TBC1D16: variants seen among roughly 807,000 people sequenced by gnomAD.
The protein encoded by TBC1D16 is TBC1 domain family member 16, also known as CTD-2529O21.1.
In TBC1D16, 58 loss-of-function variants were observed where a neutral mutation model predicts 74.7. That is an observed-to-expected ratio of 0.78 (90% CI 0.63 to 0.97). The LOEUF (loss-of-function observed/expected upper bound fraction) is 0.97, where lower values mean the gene tolerates loss of function less well. TBC1D16 is among the 50% of genes least tolerant of loss of function. The probability of loss-of-function intolerance (pLI) is 0.00; values close to 1 mark genes in which losing one functional copy is unlikely to be tolerated. For missense variants in TBC1D16, 1,014 were observed against 1,079.5 expected (o/e 0.94, Z 0.85); for synonymous variants, 493 against 474.7 (o/e 1.04, Z -0.50).
chr17:79,998,610 G>A (rs200971293), intron 3 of TBC1D16, among the ~76,000 whole-genome samples: 36 of 149,740 alleles, frequency 2.4e-4, no homozygotes, highest in East Asian at 2.0e-3. Context: ...CTCCCAAAGC[G>A]CTGGGATTAC....
chr17:80,013,495 A>G lies in TBC1D16; in HGVS notation c.53T>C (p.Leu18Pro). 1 of 1,581,424 alleles carries G rather than the reference A, an allele frequency of 6.3e-7. No individual in the cohort carries two copies. Among genetic ancestry groups the G allele is most frequent in the South Asian group, 1.2e-5 (1 of 86,450 alleles). ...RRASSKASDL[L>P]TLTPGGSGSG... ...GCCGCTGCCACCGGGGGTGAGGGTC[A>G]GGAGGTCCGAGGCTTTGGAGGAGGC... The change falls in exon 2 of 12, where the codon CTG becomes CCG. Residue 18 changes from leucine to proline, a missense_variant. Transcript: ENST00000310924.
rs2143534504 is a variant in TBC1D16, at chr17:80,035,841, C to G, written c.-109G>C. The G allele has an allele frequency of 6.8e-6, 1 of 146,680 alleles. No individual in the cohort carries two copies. Among genetic ancestry groups the G allele is most frequent in the African/African-American group, 2.4e-5 (1 of 41,000 alleles). The allele number at this position is 146,680 out of a possible 1,614,324, so 9.1% of individuals were successfully genotyped here. On this transcript the variant is annotated 5_prime_UTR_variant, in exon 1 of 12. Transcript: ENST00000310924. This position sits in a 1 kb window ranked among gnomAD's most constrained non-coding sequence, Gnocchi z 5.3. ...GGATTCGCGCCGGCTCCGAGAGCCGCCACCGTCGCCTCCGCCGCTGCCGCC... is the reference window on the plus strand; with the variant it reads ...GGATTCGCGCCGGCTCCGAGAGCCGGCACCGTCGCCTCCGCCGCTGCCGCC...
At chr17:79,949,639 T>C (rs2032872027) in intron 7 of TBC1D16, 78 bp downstream of exon 7, 2 of 1,523,098 alleles carry the variant, frequency 1.3e-6, no homozygotes, top group Admixed American at 3.9e-5. Flanking sequence ...AATGCTGAAT[T>C]GCACCTCAAA....
chr17:80,001,594 T>G lies in TBC1D16; in HGVS notation c.779+8566A>C, dbSNP rs2035487600. 6.6e-6 allele frequency among the ~76,000 whole-genome samples: 1 copy of G among 152,048 alleles called. No homozygotes were observed. Among genetic ancestry groups the G allele is most frequent in the South Asian group, 2.1e-4 (1 of 4,826 alleles). ...CCCACGACCGGGATCAGGGGTTTGA[T>G]CCTGAAATTTGGGAGGAATGGAGGA... On this transcript the variant is annotated intron_variant, in intron 3 of 11. Transcript: ENST00000310924. The surrounding 1 kb of genome is among the most constrained non-coding windows in gnomAD (Gnocchi z 5.8).
In TBC1D16 at chr17:80,024,188, A is replaced by AG. The variant is rs145609038; in HGVS notation, c.-62-10580dup. The stretch of plus-strand genomic sequence containing the variant: ...GAGGCCCCACTTCAGCCCACCAGGC[A>AG]GGACTGCAGCGGGGCACGCCCCACG... On this transcript the variant is annotated intron_variant, in intron 1 of 11. Transcript: ENST00000310924. 1.0e-4 allele frequency among the ~76,000 whole-genome samples: 15 copies of AG among 150,040 alleles called. No individual in the cohort carries two copies. The East Asian group carries it at 2.9e-3, about 29-fold the overall frequency.
rs761741375 is a variant in TBC1D16 at position 79,949,850 on chromosome 17, C to A, written c.1273G>T (p.Gly425Cys). The change falls in exon 7 of 12, where the codon GGT becomes TGT. Residue 425 changes from glycine to cysteine, a missense_variant. Gly to Cys is a radical substitution (Grantham distance 159). Transcript: ENST00000310924. The stretch of plus-strand genomic sequence containing the variant: ...TCCCCGCGGATTGACACATCAATAC[C>A]GCCAAAGAAAATGGCCTGGAGGAAG... ...YKLRKAIFFGGIDVSIRGEVW... is the reference protein window; with the variant it reads ...YKLRKAIFFGCIDVSIRGEVW... 1.2e-6 allele frequency: 2 copies of A among 1,613,094 alleles called. No individual in the cohort carries two copies. The highest frequency in any genetic ancestry group is 1.1e-5 in the South Asian group (1 of 91,070).
intron 3 of TBC1D16, among the ~76,000 whole-genome samples, chr17:79,999,303 T>C (rs1345272711): frequency 4.0e-5 from 6 of 151,474 alleles, no homozygotes; most frequent in Admixed American, 3.9e-4. Flanking sequence ...TTAACATACA[T>C]TGTGTGGTGG....
At position 79,936,909 on chromosome 17, in the gene TBC1D16, CGTGTGT is replaced by C. The variant is rs71959726; in HGVS notation, c.*3944_*3949del. The C allele has an allele frequency of 5.7e-3, 696 of 122,306 alleles. 7 individuals are homozygous for C. Among genetic ancestry groups the C allele is most frequent in the South Asian group, 0.016 (59 of 3,800 alleles). The allele number at this position is 122,306 out of a possible 1,614,324, so 7.6% of individuals were successfully genotyped here. A position where few individuals can be genotyped will look rare whatever the true frequency, so the allele number is the denominator to read the frequency against. On this transcript the variant is annotated 3_prime_UTR_variant, in exon 12 of 12. Transcript: ENST00000310924. ...GTGCATGCGTGCGTGTGTGCATGTG[CGTGTGT>C]GTGTGTGTGTGTGTGTGTGTGTGTG...
Position 79,939,171 on chromosome 17 carries a change from T to A in TBC1D16, c.*1688A>T, listed in dbSNP as rs1033324210. 2 of 152,262 alleles carry A rather than the reference T, an allele frequency of 1.3e-5. No homozygotes were observed. Among genetic ancestry groups the A allele is most frequent in the African/African-American group, 4.8e-5 (2 of 41,414 alleles). The allele number at this position is 152,262 out of a possible 1,614,324, so 9.4% of individuals were successfully genotyped here. ...CAACCCTCTCTTCCCAGAAGCAACATGGATGAGAAGCCCACCCCATTCCCA... is the reference window on the plus strand; with the variant it reads ...CAACCCTCTCTTCCCAGAAGCAACAAGGATGAGAAGCCCACCCCATTCCCA... On this transcript the variant is annotated 3_prime_UTR_variant, in exon 12 of 12. Coordinates refer to ENST00000310924, the MANE Select transcript of TBC1D16 (RefSeq NM_019020.4).
Position 80,007,110 on chromosome 17 carries a change from G to T in TBC1D16, c.779+3050C>A, listed in dbSNP as rs888012677. Among the ~76,000 whole-genome samples, 16 of 152,210 alleles carry T rather than the reference G, an allele frequency of 1.1e-4. No individual in the cohort carries two copies. Among genetic ancestry groups the T allele is most frequent in the Non-Finnish European group, 1.9e-4 (13 of 68,028 alleles). ...ATCCACCTCGTCCCAGCACAAAGCT[G>T]CAACTCGCCACGTTCAGCGAGCCTC... On this transcript the variant is annotated intron_variant, in intron 3 of 11. Coordinates refer to ENST00000310924, the MANE Select transcript of TBC1D16 (RefSeq NM_019020.4). The surrounding 1 kb of genome is among the most constrained non-coding windows in gnomAD (Gnocchi z 4.5).
rs1219140789 is a variant in TBC1D16, at chr17:79,948,875, A to G, written c.1538T>C (p.Met513Thr). ...GAGCTGGCTGGGGAGGGAGTACCTC[A>G]TGCTCTCCACATTGGGATTGTCTTC... The part of the protein sequence containing the change: ...RGEDNPNVES[M>T]RRILLNYAVY... Residue 513 changes from methionine to threonine, a missense_variant, in exon 8 of 12, where the codon ATG becomes ACG. Met to Thr is a moderately conservative substitution (Grantham distance 81). Transcript: ENST00000310924. The G allele has an allele frequency of 1.9e-6, 3 of 1,613,970 alleles. No individual in the cohort carries two copies. Among genetic ancestry groups the G allele is most frequent in the Non-Finnish European group, 2.5e-6 (3 of 1,179,986 alleles).
Position 79,938,252 on chromosome 17 carries a change from C to G in TBC1D16, c.*2607G>C, listed in dbSNP as rs2587512. 145,846 of 152,384 alleles carry G rather than the reference C, an allele frequency of 0.96. 69,854 individuals are homozygous for G. The highest frequency in any genetic ancestry group is 0.99 in the African/African-American group (41,086 of 41,572). 9.4% of individuals were successfully genotyped at this position (152,384 alleles called of 1,614,324 possible). On this transcript the variant is annotated 3_prime_UTR_variant, in exon 12 of 12. Coordinates refer to ENST00000310924, the MANE Select transcript of TBC1D16 (RefSeq NM_019020.4). ...CCTCCGCCAAGCCCTGAACACCCAGCTCATGGCTTCCGAGGTCCTGGCTGG... is the reference window on the plus strand; with the variant it reads ...CCTCCGCCAAGCCCTGAACACCCAGGTCATGGCTTCCGAGGTCCTGGCTGG...
chr17:79,987,431 G>C lies in TBC1D16; in HGVS notation c.779+22729C>G, dbSNP rs1312045636. ...CCAGCTAAATTTTTTATTTTTTATA[G>C]AGATGGGGTCTCGCTATGTTGTCCA... is the stretch of plus-strand genomic sequence containing the variant. On this transcript the variant is annotated intron_variant, in intron 3 of 11. Coordinates refer to ENST00000310924, the MANE Select transcript of TBC1D16 (RefSeq NM_019020.4). This position sits in a 1 kb window ranked among gnomAD's most constrained non-coding sequence, Gnocchi z 5.2. 6.6e-6 allele frequency among the ~76,000 whole-genome samples: 1 copy of C among 151,946 alleles called. No individual in the cohort carries two copies. The highest frequency in any genetic ancestry group is 1.9e-4 in the East Asian group (1 of 5,172).
chr17:79,953,521 G>T (rs565239419), intron 3 of TBC1D16, among the ~76,000 whole-genome samples: 1 of 152,324 alleles, frequency 6.6e-6, no homozygotes, highest in South Asian at 2.1e-4. Flanking sequence ...GGGGCCCAGA[G>T]AGGTTAAGTA....
Position 79,938,727 on chromosome 17 carries a change from C to T in TBC1D16, c.*2132G>A, listed in dbSNP as rs74887335. The T allele has an allele frequency of 1.3e-5, 2 of 152,306 alleles. No individual in the cohort carries two copies. The highest frequency in any genetic ancestry group is 4.8e-5 in the African/African-American group (2 of 41,462). 9.4% of individuals were successfully genotyped at this position (152,306 alleles called of 1,614,324 possible). The stretch of plus-strand genomic sequence containing the variant: ...ACAATAAAGTGGCAGGCCTGTCCCC[C>T]ACCCCTTAATGCTGAGCCCAGCCAC... On this transcript the variant is annotated 3_prime_UTR_variant, in exon 12 of 12. Transcript: ENST00000310924.
intron 3 of TBC1D16, among the ~76,000 whole-genome samples, chr17:79,959,009 T>C (rs1326636600): frequency 6.6e-6 from 1 of 152,232 alleles, no homozygotes; most frequent in African/African-American, 2.4e-5. Flanking sequence ...ATGGAATTTA[T>C]AAAACAATCT....
chr17:79,985,525 C>T lies in TBC1D16; in HGVS notation c.779+24635G>A, dbSNP rs531643088. Reference sequence around the variant, plus strand: ...CAAGGCCAGGCAGGTCCTCGAGGAGCATCTCCCAGTCCAGTCTCAGCGGGC... The same window carrying T: ...CAAGGCCAGGCAGGTCCTCGAGGAGTATCTCCCAGTCCAGTCTCAGCGGGC... On this transcript the variant is annotated intron_variant, in intron 3 of 11. Transcript: ENST00000310924. The surrounding 1 kb of genome is among the most constrained non-coding windows in gnomAD (Gnocchi z 4.9). Among the ~76,000 whole-genome samples, 38 of 152,320 alleles carry T rather than the reference C, an allele frequency of 2.5e-4. No individual in the cohort carries two copies. The East Asian group carries it at 6.9e-3, about 28-fold the overall frequency.
At chr17:79,997,144 C>T (rs574904615) in intron 3 of TBC1D16, among the ~76,000 whole-genome samples, 2 of 152,254 alleles carry the variant, frequency 1.3e-5, no homozygotes, top group African/African-American at 4.8e-5. Context: ...GGTTCTGCGT[C>T]TAGCTAGTGG....
rs931849528 is a variant in TBC1D16, at chr17:80,035,645, C to G, written c.-63+150G>C. ...GCACCCCGAGGACGGCGGCCGGACCCCGGCCCCTCCCCGGTCCCGCGGCTG... is the reference window on the plus strand; with the variant it reads ...GCACCCCGAGGACGGCGGCCGGACCGCGGCCCCTCCCCGGTCCCGCGGCTG... On this transcript the variant is annotated intron_variant, in intron 1 of 11. Coordinates refer to ENST00000310924, the MANE Select transcript of TBC1D16 (RefSeq NM_019020.4). The surrounding 1 kb of genome is among the most constrained non-coding windows in gnomAD (Gnocchi z 5.3). 2.7e-5 allele frequency: 4 copies of G among 150,770 alleles called. No homozygotes were observed. The highest frequency in any genetic ancestry group is 5.9e-5 in the Non-Finnish European group (4 of 67,580). 9.3% of individuals were successfully genotyped at this position (150,770 alleles called of 1,614,324 possible).
Sources: allele counts gnomAD v4.1 joint callset (sites outside exome capture counted in the v4.1 genomes callset), GRCh38; gene constraint gnomAD v4.1.1; non-coding constraint Gnocchi (gnomAD v3.1); transcripts MANE v1.5; gene names NCBI Gene and HGNC (gene_info 2026-07-23, HGNC 2026-07-21).